CSMD3: variants seen among roughly 807,000 people sequenced by gnomAD.
The protein encoded by CSMD3 is CUB and sushi domain-containing protein 3.
Under a neutral mutation model 435.2 loss-of-function variants are expected in CSMD3, and 177 were observed. The observed-to-expected ratio is 0.41, with a 90% CI of 0.36 to 0.46. CSMD3 has a LOEUF of 0.46. Among genes scored for constraint, CSMD3 ranks in the 20% least tolerant of loss-of-function variants. The pLI, the probability that CSMD3 is intolerant of heterozygous loss-of-function variation, is 0.34. For synonymous variants in CSMD3, 1,656 were observed against 1,520.5 expected, an observed-to-expected ratio of 1.09 and a Z score of -2.07; for missense variants, 4,265 against 4,504.6, an observed-to-expected ratio of 0.95 and a Z score of 1.52.
intron 24 of CSMD3, among the ~76,000 whole-genome samples, chr8:112,564,000 G>A (rs1828858741): frequency 6.6e-6 from 1 of 152,042 alleles, no homozygotes; most frequent in Non-Finnish European, 1.5e-5. Flanking sequence ...GCTCACACGA[G>A]TGTGAAAACC....
chr8:112,527,127 A>G (rs1825055387), intron 27 of CSMD3, among the ~76,000 whole-genome samples: 8 of 151,992 alleles, frequency 5.3e-5, no homozygotes, highest in Admixed American at 5.2e-4. Context: ...AAATATAAGT[A>G]GTCTAATGGT....
chr8:113,261,689 CAA>C (rs1456815169), intron 3 of CSMD3, among the ~76,000 whole-genome samples: 2 of 152,040 alleles, frequency 1.3e-5, no homozygotes, highest in African/African-American at 4.8e-5. Flanking sequence ...TTCTTCAGTG[CAA>C]ACACATTTGC....
At chr8:112,354,840 A>G (rs535037289) in intron 38 of CSMD3, among the ~76,000 whole-genome samples, 5 of 152,264 alleles carry the variant, frequency 3.3e-5, no homozygotes, top group East Asian at 1.9e-4. Flanking sequence ...CAGAACTAAG[A>G]AAAAAACTGT....
At chr8:113,003,005 T>C (rs113668673) in intron 6 of CSMD3, among the ~76,000 whole-genome samples, 9,646 of 152,136 alleles carry the variant, frequency 0.063, 328 homozygotes, top group African/African-American at 0.071. Context: ...TTTGGGAGAC[T>C]GAGGCAGGTG....
chr8:113,360,988 T>C (rs1259176646), intron 1 of CSMD3, among the ~76,000 whole-genome samples: 1 of 152,202 alleles, frequency 6.6e-6, no homozygotes, highest in African/African-American at 2.4e-5. Flanking sequence ...AACAATTTTT[T>C]ACAAGTAGTG....
intron 47 of CSMD3, among the ~76,000 whole-genome samples, chr8:112,315,384 A>G (rs1822364698): frequency 6.6e-6 from 1 of 151,958 alleles, no homozygotes; most frequent in Non-Finnish European, 1.5e-5. Flanking sequence ...TATCAGACCA[A>G]AATTATGAAC....
chr8:112,254,271 G>T lies in CSMD3; in HGVS notation c.10092C>A (p.Asn3364Lys). 6.2e-7 allele frequency: 1 copy of T among 1,612,256 alleles called. No individual in the cohort carries two copies. The highest frequency in any genetic ancestry group is 8.5e-7 in the Non-Finnish European group (1 of 1,178,556). Reference protein sequence around the residue: ...NPGVPRHGSQNNTFGFQVGSV... With the variant: ...NPGVPRHGSQKNTFGFQVGSV... ...TACCCACTTGAAATCCGAATGTATT[G>T]TTCTGAGATCCATGCCGAGGCACAC... The change falls in exon 63 of 71, where the codon AAC becomes AAA. Residue 3364 changes from asparagine to lysine, a missense_variant. Asn to Lys is a moderately conservative substitution (Grantham distance 94, BLOSUM62 0). This residue lies in a region of CSMD3 where 3,255 missense variants were observed against 3,380.2 expected (regional missense o/e 0.96). Coordinates refer to ENST00000297405, the MANE Select transcript of CSMD3 (RefSeq NM_198123.2).
At chr8:112,502,639 C>T (rs1261330009) in intron 30 of CSMD3, among the ~76,000 whole-genome samples, 3 of 151,660 alleles carry the variant, frequency 2.0e-5, no homozygotes, top group Non-Finnish European at 4.4e-5. Flanking sequence ...ATGGCAAATG[C>T]AAAAGGAGTT....
intron 5 of CSMD3, among the ~76,000 whole-genome samples, chr8:113,076,393 T>C (rs1342833293): frequency 1.3e-5 from 2 of 151,920 alleles, no homozygotes; most frequent in Non-Finnish European, 2.9e-5. Context: ...TGAACTTAAA[T>C]AATAAATTAA....
intron 52 of CSMD3, among the ~76,000 whole-genome samples, chr8:112,304,377 G>GT (rs75534103): frequency 2.4e-3 from 340 of 141,524 alleles, no homozygotes; most frequent in Middle Eastern, 7.2e-3. Flanking sequence ...TGGGGCAAAG[G>GT]TTTTTTTTTT....
chr8:112,805,599 G>A (rs1251803745), intron 12 of CSMD3, among the ~76,000 whole-genome samples: 3 of 152,156 alleles, frequency 2.0e-5, no homozygotes, highest in African/African-American at 7.2e-5. Context: ...AGATCTTAAA[G>A]AAGAAAATAA....
intron 13 of CSMD3, among the ~76,000 whole-genome samples, chr8:112,743,605 A>G (rs2077363877): frequency 6.6e-6 from 1 of 151,992 alleles, no homozygotes; most frequent in South Asian, 2.1e-4. Context: ...AGATATTATT[A>G]TAATTTTTAA....
intron 35 of CSMD3, among the ~76,000 whole-genome samples, chr8:112,405,681 G>A (rs1831790535): frequency 6.6e-6 from 1 of 151,708 alleles, no homozygotes; most frequent in South Asian, 2.1e-4. Context: ...ATTTGTGAAA[G>A]ACTGAAAAAA....
intron 29 of CSMD3, 141 bp from the exon 30 acceptor site, chr8:112,504,118 T>TA (rs1220270227): frequency 5.4e-6 from 3 of 558,042 alleles, no homozygotes; most frequent in East Asian, 3.0e-5. Flanking sequence ...TAAGCTAATA[T>TA]AAAAAATCAC....
At position 112,659,761 on chromosome 8, in the gene CSMD3, T is replaced by G. The variant is rs554023243; in HGVS notation, c.2817-3420A>C. On this transcript the variant is annotated intron_variant, in intron 17 of 70. Transcript: ENST00000297405. ...ATATGTTAAGAAGAGGTAAATGGTT[T>G]TAAAAACATGTTTGTTGGTGTTATT... 2.0e-5 allele frequency among the ~76,000 whole-genome samples: 3 copies of G among 152,256 alleles called. No homozygotes were observed. The South Asian group carries it at 6.2e-4, about 32-fold the overall frequency.
rs116507738 is a variant in CSMD3 at position 113,002,922 on chromosome 8, A to T, written c.1030+16145T>A. Among the ~76,000 whole-genome samples the T allele has an allele frequency of 6.6e-3, 1,010 of 152,190 alleles. 12 individuals carry two copies. The highest frequency in any genetic ancestry group is 0.023 in the African/African-American group (968 of 41,548). On this transcript the variant is annotated intron_variant, in intron 6 of 70. Transcript: ENST00000297405. ...AGAGATAGTGGACATTTAGAGCATA[A>T]GTTTATTTTTAGTCATGATATAATT...
At chr8:113,111,722 C>T (rs2090646991) in intron 4 of CSMD3, among the ~76,000 whole-genome samples, 1 of 152,080 alleles carries the variant, frequency 6.6e-6, no homozygotes, top group Non-Finnish European at 1.5e-5. Flanking sequence ...CGCTTTGTCG[C>T]TCAGGCTGGA....
intron 50 of CSMD3, among the ~76,000 whole-genome samples, chr8:112,309,330 A>G (rs1444644270): frequency 1.3e-5 from 2 of 151,912 alleles, no homozygotes; most frequent in Non-Finnish European, 2.9e-5. Flanking sequence ...AGGAGTGTGT[A>G]TGTGTATGTG....
intron 6 of CSMD3, among the ~76,000 whole-genome samples, chr8:113,016,413 T>C (rs1049013655): frequency 4.0e-5 from 6 of 151,844 alleles, no homozygotes; most frequent in African/African-American, 1.2e-4. Flanking sequence ...AGTGTGTGTC[T>C]ATGTACCTAC....
Sources: allele counts gnomAD v4.1 joint callset (sites outside exome capture counted in the v4.1 genomes callset), GRCh38; gene constraint gnomAD v4.1.1; regional missense constraint gnomAD v4.1.1; transcripts MANE v1.5; gene names NCBI Gene and HGNC (gene_info 2026-07-23, HGNC 2026-07-21).